KATNIP: variants seen among roughly 807,000 people sequenced by gnomAD.
KATNIP encodes katanin interacting protein.
In KATNIP, 126 loss-of-function variants were observed where a neutral mutation model predicts 174.0. The observed-to-expected ratio is 0.72, with a 90% CI of 0.63 to 0.84. The LOEUF is 0.84. KATNIP is among the 40% of genes least tolerant of loss of function. The pLI, the probability that KATNIP is intolerant of heterozygous loss-of-function variation, is 0.00. For synonymous variants in KATNIP, 810 were observed against 835.7 expected (o/e 0.97, Z 0.53); for missense variants, 1,958 against 2,109.7 (o/e 0.93, Z 1.41).
rs756162835 is a variant in KATNIP at position 27,778,574 on chromosome 16, C to A, written c.4802C>A (p.Ala1601Asp). The A allele has an allele frequency of 4.0e-5, 64 of 1,613,544 alleles. 1 individual carries two copies. The highest frequency in any genetic ancestry group is 4.7e-5 in the Non-Finnish European group (55 of 1,179,748). ...GTCCCTCTGTTCCCTGTCATGACAG[C>A]CTTACGTCCCAAAACCTGCATCAGC... ...AKRKQSVVDP[A>D]LRPKTCISEK... Residue 1601 changes from alanine (A) to aspartate (D), a missense_variant and splice_region_variant, in exon 28 of 28, where the codon GCC becomes GAC. Coordinates refer to ENST00000261588, the MANE Select transcript of KATNIP (RefSeq NM_015202.5).
chr16:27,742,066 G>T (rs934184795), intron 15 of KATNIP, among the ~76,000 whole-genome samples: 4 of 151,348 alleles, frequency 2.6e-5, no homozygotes, highest in Non-Finnish European at 5.9e-5. Context: ...CTGCTGGCAG[G>T]ACTCACCCTG....
In KATNIP at chr16:27,708,762, A is replaced by G; in HGVS notation, c.1447A>G (p.Ile483Val). 6.2e-7 allele frequency: 1 copy of G among 1,613,770 alleles called. No homozygotes were observed. Among genetic ancestry groups the G allele is most frequent in the Non-Finnish European group, 8.5e-7 (1 of 1,179,990 alleles). Residue 483 changes from isoleucine (I) to valine (V), a missense_variant, in exon 13 of 28, where the codon ATC (isoleucine) becomes GTC (valine). Around this residue, in one of 3 missense-constraint regions of KATNIP, gnomAD observed 1,557 missense variants for 1,617.8 expected, o/e 0.96. Transcript: ENST00000261588. ...AGATGCCATCTACGTGACCATGGAG[A>G]TCCTGTCCAACTGGGGCAACTCGTG... ...IKDAIYVTME[I>V]LSNWGNSWWV...
chr16:27,620,993 A>G (rs1321191285), intron 3 of KATNIP, among the ~76,000 whole-genome samples: 3 of 152,228 alleles, frequency 2.0e-5, no homozygotes, highest in Admixed American at 6.5e-5. Context: ...ACACTGGCTC[A>G]TGGAATTAAG....
At position 27,749,707 on chromosome 16, in the gene KATNIP, A is replaced by G. The variant is rs138743791; in HGVS notation, c.2747A>G (p.Asn916Ser). 81 of 1,613,642 alleles carry G rather than the reference A, an allele frequency of 5.0e-5. No individual in the cohort carries two copies. In the African/African-American group the frequency reaches 9.3e-4, roughly 19 times the overall value. ...CGCTCCCACCGGGGACGCATCTCCAACACGGAGCTCCCGGGGGACATCCTG... is the reference window on the plus strand; with the variant it reads ...CGCTCCCACCGGGGACGCATCTCCAGCACGGAGCTCCCGGGGGACATCCTG... ...FDRSHRGRIS[N>S]TELPGDILDE... Residue 916 changes from asparagine to serine, a missense_variant, in exon 16 of 28, where the codon AAC becomes AGC. By Grantham distance (46) the Asn-to-Ser change is conservative. Around this residue, in one of 3 missense-constraint regions of KATNIP, gnomAD observed 1,557 missense variants for 1,617.8 expected, o/e 0.96. Transcript: ENST00000261588.
chr16:27,654,712 C>T, intron 6 of KATNIP: 1 of 1,352,000 alleles, frequency 7.4e-7, no homozygotes, highest in South Asian at 1.1e-5. Context: ...AAGAAAGGAT[C>T]CTCTTAACTA....
intron 5 of KATNIP, among the ~76,000 whole-genome samples, chr16:27,634,479 C>T (rs781612062): frequency 3.3e-5 from 5 of 152,178 alleles, no homozygotes; most frequent in Non-Finnish European, 5.9e-5. Context: ...GCCTAGGACA[C>T]CATTGGGAAG....
intron 2 of KATNIP, among the ~76,000 whole-genome samples, chr16:27,612,151 G>A (rs1596922924): frequency 6.6e-6 from 1 of 152,204 alleles, no homozygotes; most frequent in Non-Finnish European, 1.5e-5. Flanking sequence ...TGAGAGCTTT[G>A]TAAGTGCCAG....
chr16:27,751,983 C>G, intron 17 of KATNIP, 59 bp downstream of exon 17: 1 of 1,354,192 alleles, frequency 7.4e-7, no homozygotes. Context: ...TCCCCTAACT[C>G]AGAGTAGAGC....
intron 2 of KATNIP, among the ~76,000 whole-genome samples, chr16:27,610,897 G>T (rs1331677358): frequency 6.6e-6 from 1 of 152,148 alleles, no homozygotes; most frequent in Non-Finnish European, 1.5e-5. Flanking sequence ...GCAACCATTT[G>T]TCTCTTATCT....
chr16:27,724,327 T>C (rs1414209805), intron 14 of KATNIP, among the ~76,000 whole-genome samples: 2 of 152,252 alleles, frequency 1.3e-5, no homozygotes, highest in Admixed American at 6.5e-5. Flanking sequence ...AGCCCGTGGC[T>C]GTGCCCTGCA....
At chr16:27,554,165 A>T (rs528594019) in intron 1 of KATNIP, among the ~76,000 whole-genome samples, 1 of 152,246 alleles carries the variant, frequency 6.6e-6, no homozygotes, top group Admixed American at 6.5e-5. Flanking sequence ...TTGTGTCATA[A>T]GTACAAATGT....
chr16:27,742,833 GTTTTC>G (rs1157425393), intron 15 of KATNIP, among the ~76,000 whole-genome samples: 2 of 144,084 alleles, frequency 1.4e-5, no homozygotes, highest in East Asian at 3.9e-4. Flanking sequence ...TTTTTTTCTA[GTTTTC>G]TTTTCTTTTT....
rs1393271842 is a variant in KATNIP at position 27,780,225 on chromosome 16, C to T, written c.*1596C>T. On this transcript the variant is annotated 3_prime_UTR_variant, in exon 28 of 28. Transcript: ENST00000261588. ...ATGGCACTAACACGACACAAGCTCACTCCCAGAACCGCAGCTGATGTTTAT... is the reference window on the plus strand; with the variant it reads ...ATGGCACTAACACGACACAAGCTCATTCCCAGAACCGCAGCTGATGTTTAT... 1 of 152,168 alleles carries T rather than the reference C, an allele frequency of 6.6e-6. No individual in the cohort carries two copies. The allele number at this position is 152,168 out of a possible 1,614,324, so 9.4% of individuals were successfully genotyped here. A position where few individuals can be genotyped will look rare whatever the true frequency, so the allele number is the denominator to read the frequency against.
chr16:27,777,999 G>A lies in KATNIP; in HGVS notation c.4801+30G>A. Reference sequence around the variant, plus strand: ...GTGGCGTTTCTCTGCCCAGAGCATTGTGCCTTGGGAGCTCGGTCTGAATAT... The same window carrying A: ...GTGGCGTTTCTCTGCCCAGAGCATTATGCCTTGGGAGCTCGGTCTGAATAT... On this transcript the variant is annotated intron_variant, in intron 27 of 27. Transcript: ENST00000261588. The surrounding 1 kb of genome is among the most constrained non-coding windows in gnomAD (Gnocchi z 4.4). 1.3e-6 allele frequency: 2 copies of A among 1,599,762 alleles called. No individual in the cohort carries two copies. The highest frequency in any genetic ancestry group is 1.7e-6 in the Non-Finnish European group (2 of 1,167,432).
chr16:27,762,858 C>T (rs573812727), intron 19 of KATNIP, among the ~76,000 whole-genome samples: 19 of 152,338 alleles, frequency 1.2e-4, no homozygotes, highest in African/African-American at 4.1e-4. Flanking sequence ...AAGTGATCAA[C>T]GCACAGTGCG....
rs555520983 is a variant in KATNIP at position 27,777,541 on chromosome 16, C to T, written c.4552-69C>T. 161 of 1,461,360 alleles carry T rather than the reference C, an allele frequency of 1.1e-4. 3 individuals carry two copies. In the South Asian group the frequency reaches 1.2e-3, roughly 11 times the overall value. The allele number at this position is 1,461,360 out of a possible 1,614,324, so 90.5% of individuals were successfully genotyped here. On this transcript the variant is annotated intron_variant, in intron 25 of 27. Coordinates refer to ENST00000261588, the MANE Select transcript of KATNIP (RefSeq NM_015202.5). The surrounding 1 kb of genome is among the most constrained non-coding windows in gnomAD (Gnocchi z 4.4). ...AGAAAGCCTTGGCTCAGAGCAGTAA[C>T]GCGTTCTGCCCAAGGTCAACGTGGG...
At chr16:27,654,557 A>G in intron 6 of KATNIP, 1 of 1,347,712 alleles carries the variant, frequency 7.4e-7, no homozygotes. Flanking sequence ...GCATGTCTTC[A>G]GGGACAGGAA....
chr16:27,551,778 G>A (rs548095014), intron 1 of KATNIP, among the ~76,000 whole-genome samples: 1 of 152,230 alleles, frequency 6.6e-6, no homozygotes, highest in East Asian at 1.9e-4. Flanking sequence ...TTGGAAGGCT[G>A]AGGCAGGAGA....
chr16:27,750,125 C>T lies in KATNIP; in HGVS notation c.3165C>T (p.Gly1055=), dbSNP rs2081446939. 1 of 1,614,050 alleles carries T rather than the reference C, an allele frequency of 6.2e-7. No homozygotes were observed. Among genetic ancestry groups the T allele is most frequent in the African/African-American group, 1.3e-5 (1 of 74,924 alleles). The change falls in exon 16 of 28, where the codon GGC becomes GGT. Residue 1055 remains glycine, a synonymous_variant. Transcript: ENST00000261588. ...MHVWLAPFTR[G]RSHSITIDFT... The stretch of plus-strand genomic sequence containing the variant: ...TCTGGCTGGCCCCCTTCACGCGGGG[C>T]AGATCCCACTCCATCACCATTGACT...
Sources: allele counts gnomAD v4.1 joint callset (sites outside exome capture counted in the v4.1 genomes callset), GRCh38; gene constraint gnomAD v4.1.1; regional missense constraint gnomAD v4.1.1; non-coding constraint Gnocchi (gnomAD v3.1); transcripts MANE v1.5; gene names NCBI Gene and HGNC (gene_info 2026-07-23, HGNC 2026-07-21).